The following LARGE1 variants were observed in gnomAD, a reference collection of about 807,000 sequenced individuals.
LARGE1 encodes LARGE xylosyl- and glucuronyltransferase 1, also known as xylosyl- and glucuronyltransferase LARGE1.
Under a neutral mutation model 87.6 loss-of-function variants are expected in LARGE1, and 43 were observed. That is an observed-to-expected ratio of 0.49 (90% CI 0.38 to 0.63). The LOEUF is 0.63. Among genes scored for constraint, LARGE1 ranks in the 30% least tolerant of loss-of-function variants. LARGE1 has a pLI of 0.00. For synonymous variants in LARGE1, 434 were observed against 394.6 expected (o/e 1.10, Z -1.18); for missense variants, 802 against 1,000.2 (o/e 0.80, Z 2.67).
the LARGE1 span, among the ~76,000 whole-genome samples, chr22:33,136,515 G>A: frequency 6.6e-6 from 1 of 152,132 alleles, no homozygotes; most frequent in African/African-American, 2.4e-5. Context: ...TTCAAGATGA[G>A]ATTTGGGTGG....
At chr22:33,390,630 A>G (rs976276975) in intron 7 of LARGE1, among the ~76,000 whole-genome samples, 24 of 151,510 alleles carry the variant, frequency 1.6e-4, no homozygotes, top group Admixed American at 1.1e-3. Context: ...CAGCTGGGCC[A>G]TAGGCAAGCT....
chr22:33,530,232 A>T (rs1164709513), intron 6 of LARGE1, among the ~76,000 whole-genome samples: 1 of 152,208 alleles, frequency 6.6e-6, no homozygotes, highest in Non-Finnish European at 1.5e-5. Flanking sequence ...TGAAGTGGAA[A>T]GCATGAAGAT....
chr22:33,506,028 C>G (rs2070747931), intron 6 of LARGE1, among the ~76,000 whole-genome samples: 1 of 152,040 alleles, frequency 6.6e-6, no homozygotes, highest in Non-Finnish European at 1.5e-5. Context: ...ATTCCCCAGG[C>G]TTTACAACTG....
Position 33,684,137 on chromosome 22 carries a change from T to G in LARGE1, c.107-33469A>C, listed in dbSNP as rs1443098895. Among the ~76,000 whole-genome samples the G allele has an allele frequency of 2.0e-5, 3 of 152,072 alleles. No individual in the cohort carries two copies. The East Asian group carries it at 5.8e-4, about 29-fold the overall frequency. ...AGTACCGAACGTGCTTGCTCTTAAG[T>G]CAGCAACAACAGAAATCATTGCACG... On this transcript the variant is annotated intron_variant, in intron 2 of 14. Coordinates refer to ENST00000397394, the MANE Select transcript of LARGE1 (RefSeq NM_133642.5).
At chr22:33,118,372 G>A in the LARGE1 span, among the ~76,000 whole-genome samples, 4 of 150,324 alleles carry the variant, frequency 2.7e-5, no homozygotes, top group East Asian at 5.9e-4. Flanking sequence ...TGCACCTGCA[G>A]ACCCAGCTAC....
chr22:33,882,583 G>GA (rs2064728952), intron 1 of LARGE1, among the ~76,000 whole-genome samples: 1 of 152,146 alleles, frequency 6.6e-6, no homozygotes, highest in Non-Finnish European at 1.5e-5. Context: ...AGTAACACTG[G>GA]AACAGGAAGG....
chr22:33,703,135 G>C (rs1157198708), intron 2 of LARGE1, among the ~76,000 whole-genome samples: 2 of 152,048 alleles, frequency 1.3e-5, no homozygotes, highest in Non-Finnish European at 2.9e-5. Context: ...AATGGGAGTT[G>C]AACAATGAGA....
At chr22:33,748,722 T>C (rs1290644293) in intron 2 of LARGE1, among the ~76,000 whole-genome samples, 2 of 152,234 alleles carry the variant, frequency 1.3e-5, no homozygotes, top group African/African-American at 4.8e-5. Flanking sequence ...CCTTTCCTCT[T>C]TGTTCTTTAA....
chr22:33,529,992 C>G (rs144239460), intron 6 of LARGE1, among the ~76,000 whole-genome samples: 24 of 152,308 alleles, frequency 1.6e-4, no homozygotes, highest in African/African-American at 5.5e-4. Flanking sequence ...CTCATAATCT[C>G]TATAAACCAG....
intron 4 of LARGE1, among the ~76,000 whole-genome samples, chr22:33,619,651 C>T (rs1456135998): frequency 2.6e-5 from 4 of 151,970 alleles, no homozygotes; most frequent in Non-Finnish European, 5.9e-5. Context: ...AGCTAGATTG[C>T]CTGGTTTCCA....
intron 11 of LARGE1, among the ~76,000 whole-genome samples, chr22:33,180,665 C>T (rs1190243427): frequency 2.6e-5 from 4 of 152,190 alleles, no homozygotes; most frequent in Non-Finnish European, 5.9e-5. Flanking sequence ...AAGGTGGAAA[C>T]AACCTAAATA....
At chr22:33,550,396 A>G (rs953537219) in intron 6 of LARGE1, among the ~76,000 whole-genome samples, 1 of 152,094 alleles carries the variant, frequency 6.6e-6, no homozygotes, top group Non-Finnish European at 1.5e-5. Context: ...GCCTAGAGAT[A>G]TTTTTGCGTG....
intron 7 of LARGE1, among the ~76,000 whole-genome samples, chr22:33,420,227 C>T (rs896678611): frequency 6.6e-6 from 1 of 152,166 alleles, no homozygotes; most frequent in Admixed American, 6.6e-5. Flanking sequence ...ACAACAAATA[C>T]TTAGTGCCTA....
At chr22:33,601,075 C>G (rs1328895365) in intron 5 of LARGE1, among the ~76,000 whole-genome samples, 1 of 151,924 alleles carries the variant, frequency 6.6e-6, no homozygotes, top group Non-Finnish European at 1.5e-5. Flanking sequence ...GTCTGCAAAA[C>G]AAACAAACAA....
Position 33,308,938 on chromosome 22 carries a change from T to C in LARGE1, c.1452-4431A>G, listed in dbSNP as rs180875248. ...AGATATACAGCAGGTACTCAGTATA[T>C]GACAGCTGTAATTTCCTCCTTAGGT... is the stretch of plus-strand genomic sequence containing the variant. On this transcript the variant is annotated intron_variant, in intron 11 of 14. Transcript: ENST00000397394. 1.8e-4 allele frequency among the ~76,000 whole-genome samples: 27 copies of C among 152,344 alleles called. 1 individual carries two copies. In the East Asian group the frequency reaches 2.3e-3, roughly 13 times the overall value.
At chr22:33,295,339 A>T (rs1313846510) in intron 12 of LARGE1, among the ~76,000 whole-genome samples, 1 of 152,204 alleles carries the variant, frequency 6.6e-6, no homozygotes, top group African/African-American at 2.4e-5. Flanking sequence ...GAGGCAAAGA[A>T]GGGCACACAT....
At chr22:33,642,710 CAAAAAAAA>C (rs60815644) in intron 3 of LARGE1, among the ~76,000 whole-genome samples, 13 of 17,354 alleles carry the variant, frequency 7.5e-4, no homozygotes, top group Admixed American at 2.9e-3. Flanking sequence ...AAATGGAAAG[CAAAAAAAA>C]AAAAAAAAAA....
intron 2 of LARGE1, among the ~76,000 whole-genome samples, chr22:33,674,246 C>G (rs1276443411): frequency 6.6e-6 from 1 of 152,138 alleles, no homozygotes; most frequent in South Asian, 2.1e-4. Context: ...ACCCAGCCAA[C>G]TTCCCATTCT....
intron 1 of LARGE1, among the ~76,000 whole-genome samples, chr22:33,785,077 A>G (rs1379701940): frequency 7.5e-6 from 1 of 134,084 alleles, no homozygotes; most frequent in Non-Finnish European, 1.6e-5. Context: ...ATATGTGTAT[A>G]CATACATATG....
Sources: allele counts gnomAD v4.1 joint callset (sites outside exome capture counted in the v4.1 genomes callset), GRCh38; gene constraint gnomAD v4.1.1; transcripts MANE v1.5; gene names NCBI Gene and HGNC (gene_info 2026-07-23, HGNC 2026-07-21).